Variants in CCNY observed in about 807,000 individuals in gnomAD.
The protein encoded by CCNY is cyclin Y, also known as cyclin-Y.
A neutral mutation model predicts 42.8 loss-of-function variants in CCNY; 19 were observed. The ratio of observed to expected loss-of-function variants is 0.44; its 90% CI spans 0.31 to 0.65. The LOEUF (loss-of-function observed/expected upper bound fraction) is 0.65. CCNY is among the 30% of genes least tolerant of loss of function. The pLI, the probability that CCNY is intolerant of heterozygous loss-of-function variation, is 0.07. For synonymous variants in CCNY, 165 were observed against 162.7 expected, an observed-to-expected ratio of 1.01 and a Z score of -0.11; for missense variants, 370 against 437.3, an observed-to-expected ratio of 0.85 and a Z score of 1.37.
rs560813796 is a variant in CCNY at position 35,326,012 on chromosome 10, G to C, written c.-9+75386G>C. Among the ~76,000 whole-genome samples the C allele has an allele frequency of 2.0e-5, 3 of 152,238 alleles. No individual in the cohort carries two copies. In the South Asian group the frequency reaches 6.2e-4, roughly 32 times the overall value. ...GATCGCTTGAGCCCAGGAGTTCAAG[G>C]CTGCAGGGAGCCATGATTATGCCAC... is the stretch of plus-strand genomic sequence containing the variant. On this transcript the variant is annotated intron_variant, in intron 3 of 11. Transcript: ENST00000374706.
chr10:35,542,536 A>G (rs1841024611), intron 7 of CCNY, among the ~76,000 whole-genome samples: 1 of 152,154 alleles, frequency 6.6e-6, no homozygotes, highest in African/African-American at 2.4e-5. Context: ...TCCCTAGGTG[A>G]TGCATTCTGA....
At chr10:35,356,975 C>A (rs1836565733) in intron 1 of CCNY, among the ~76,000 whole-genome samples, 1 of 152,106 alleles carries the variant, frequency 6.6e-6, no homozygotes, top group Non-Finnish European at 1.5e-5. Context: ...CGTTGTGACT[C>A]CATGCACAAG....
At chr10:35,529,311 A>G (rs775734622) in intron 5 of CCNY, among the ~76,000 whole-genome samples, 1 of 152,288 alleles carries the variant, frequency 6.6e-6, no homozygotes, top group South Asian at 2.1e-4. Context: ...CTTCTTTCCT[A>G]TCACCCACAG....
chr10:35,351,013 T>A (rs1410261067), intron 1 of CCNY, among the ~76,000 whole-genome samples: 1 of 152,246 alleles, frequency 6.6e-6, no homozygotes, highest in East Asian at 1.9e-4. Flanking sequence ...TCCAAAAGTC[T>A]GAGGTTTGAA....
chr10:35,449,794 T>C (rs1838876549), intron 1 of CCNY: 1 of 985,234 alleles, frequency 1.0e-6, no homozygotes, highest in Non-Finnish European at 1.2e-6. Context: ...GGCCTCTGTC[T>C]TCTCAGCTGA....
At chr10:35,469,005 A>G (rs1839328568) in intron 1 of CCNY, among the ~76,000 whole-genome samples, 1 of 152,212 alleles carries the variant, frequency 6.6e-6, no homozygotes, top group Non-Finnish European at 1.5e-5. Flanking sequence ...CTCCTGTGTT[A>G]TATCCTGTCC....
intron 2 of CCNY, among the ~76,000 whole-genome samples, chr10:35,492,848 A>T (rs1049192906): frequency 2.6e-5 from 4 of 152,132 alleles, no homozygotes; most frequent in African/African-American, 9.7e-5. Flanking sequence ...CGACACATCC[A>T]TTATTTAGGG....
At chr10:35,282,377 T>G (rs971617826) in intron 3 of CCNY, among the ~76,000 whole-genome samples, 1 of 152,070 alleles carries the variant, frequency 6.6e-6, no homozygotes, top group Non-Finnish European at 1.5e-5. Flanking sequence ...TCCTCTCACT[T>G]TAGCCTCCCA....
chr10:35,259,731 C>T (rs1202240260), intron 3 of CCNY, among the ~76,000 whole-genome samples: 3 of 140,544 alleles, frequency 2.1e-5, no homozygotes, highest in Non-Finnish European at 3.0e-5. Flanking sequence ...AGGCTGTTCT[C>T]GAACTCCTGG....
At chr10:35,460,801 AG>A (rs1839142001) in intron 1 of CCNY, among the ~76,000 whole-genome samples, 1 of 152,184 alleles carries the variant, frequency 6.6e-6, no homozygotes, top group African/African-American at 2.4e-5. Flanking sequence ...TCCTTTCATT[AG>A]CCCAGGTTCT....
chr10:35,259,489 C>G (rs1314491349), intron 3 of CCNY, among the ~76,000 whole-genome samples: 3 of 135,434 alleles, frequency 2.2e-5, no homozygotes, highest in Non-Finnish European at 4.7e-5. Context: ...ACACCCAGTC[C>G]TGGTTGTTTT....
intron 8 of CCNY, among the ~76,000 whole-genome samples, chr10:35,561,285 G>A (rs1348878121): frequency 6.6e-6 from 1 of 152,192 alleles, no homozygotes; most frequent in Non-Finnish European, 1.5e-5. Context: ...GGCAGGAGAA[G>A]TCTCAGATAT....
rs530936323 is a variant in CCNY, at chr10:35,341,960, G to A, written c.154+4753G>A. 7.9e-5 allele frequency among the ~76,000 whole-genome samples: 12 copies of A among 152,228 alleles called. No homozygotes were observed. The South Asian group carries it at 1.2e-3, about 16-fold the overall frequency. ...TTAAGGATCAAATTGAGACTCAAAT[G>A]CTCAATTAACCAAAAAATACTAGAT... is the stretch of plus-strand genomic sequence containing the variant. On this transcript the variant is annotated intron_variant, in intron 1 of 9. Coordinates refer to ENST00000374704, the MANE Select transcript of CCNY (RefSeq NM_145012.6).
chr10:35,318,624 C>T (rs1019905044), intron 3 of CCNY, among the ~76,000 whole-genome samples: 3 of 152,058 alleles, frequency 2.0e-5, no homozygotes, highest in Admixed American at 2.0e-4. Context: ...GCAGTTCTGA[C>T]TATATGTTTC....
chr10:35,331,038 C>A (rs1835937860), intron 3 of CCNY, among the ~76,000 whole-genome samples: 1 of 152,218 alleles, frequency 6.6e-6, no homozygotes, highest in South Asian at 2.1e-4. Flanking sequence ...GGATTACAGG[C>A]GTGAGCCACT....
chr10:35,481,252 AT>A (rs1839662658), intron 1 of CCNY, among the ~76,000 whole-genome samples: 1 of 152,176 alleles, frequency 6.6e-6, no homozygotes, highest in Non-Finnish European at 1.5e-5. Context: ...GTGTCCCATT[AT>A]TGGAGGCTGT....
rs546550574 is a variant in CCNY, at chr10:35,304,561, C to T, written c.-9+53935C>T. ...TCTTGACCTCGTGATCCGCCCGCCTCGGCCTCCCAAAGTGCTGGGATTACA... is the reference window on the plus strand; with the variant it reads ...TCTTGACCTCGTGATCCGCCCGCCTTGGCCTCCCAAAGTGCTGGGATTACA... On this transcript the variant is annotated intron_variant, in intron 3 of 11. Transcript: ENST00000374706. Among the ~76,000 whole-genome samples, 7 of 52,962 alleles carry T rather than the reference C, an allele frequency of 1.3e-4. 2 individuals carry two copies. The highest frequency in any genetic ancestry group is 1.1e-3 in the East Asian group (2 of 1,868). 34.7% of individuals were successfully genotyped at this position (52,962 alleles called of 152,430 possible).
chr10:35,426,107 A>G (rs1216132628), intron 1 of CCNY, among the ~76,000 whole-genome samples: 4 of 63,346 alleles, frequency 6.3e-5, no homozygotes, highest in African/African-American at 2.3e-4. Flanking sequence ...CTGGTCCAGC[A>G]CGCGCACACA....
At chr10:35,256,895 C>A (rs1317342546) in intron 3 of CCNY, among the ~76,000 whole-genome samples, 1 of 151,830 alleles carries the variant, frequency 6.6e-6, no homozygotes, top group Non-Finnish European at 1.5e-5. Context: ...AAGTAAAAAA[C>A]AAAATGTGGA....
Sources: allele counts gnomAD v4.1 joint callset (sites outside exome capture counted in the v4.1 genomes callset), GRCh38; gene constraint gnomAD v4.1.1; transcripts MANE v1.5; gene names NCBI Gene and HGNC (gene_info 2026-07-23, HGNC 2026-07-21).